Variants in CCDC63 observed in about 807,000 individuals in gnomAD.
CCDC63 encodes coiled-coil domain-containing protein 63.
A neutral mutation model predicts 63.6 loss-of-function variants in CCDC63; 54 were observed. That is an observed-to-expected ratio of 0.85 (90% confidence interval 0.68 to 1.07). The LOEUF (loss-of-function observed/expected upper bound fraction) is 1.07. Among genes scored for constraint, CCDC63 ranks in the 50% least tolerant of loss-of-function variants. The pLI, the probability that CCDC63 is intolerant of heterozygous loss-of-function variation, is 0.00. For synonymous variants in CCDC63, 253 were observed against 266.1 expected (o/e 0.95, Z 0.48); for missense variants, 637 against 689.6 (o/e 0.92, Z 0.86).
intron 9 of CCDC63, among the ~76,000 whole-genome samples, chr12:110,893,644 C>T (rs1264276530): frequency 6.6e-6 from 1 of 152,186 alleles, no homozygotes; most frequent in Non-Finnish European, 1.5e-5. Context: ...CGTCGTTTTA[C>T]AGATGCAGAG....
intron 10 of CCDC63, among the ~76,000 whole-genome samples, chr12:110,902,602 C>T (rs779230322): frequency 3.9e-5 from 6 of 152,132 alleles, no homozygotes; most frequent in Non-Finnish European, 8.8e-5. Context: ...TCCCTCTCAC[C>T]GCAGTCCTAG....
At chr12:110,858,097 C>G in intron 3 of CCDC63, among the ~76,000 whole-genome samples, 1 of 142,886 alleles carries the variant, frequency 7.0e-6, no homozygotes, top group Admixed American at 6.9e-5. Flanking sequence ...CAGAGTGAGA[C>G]TCTGTCTCAA....
At chr12:110,876,628 A>G (rs2071133873) in intron 5 of CCDC63, among the ~76,000 whole-genome samples, 1 of 152,156 alleles carries the variant, frequency 6.6e-6, no homozygotes, top group Non-Finnish European at 1.5e-5. Context: ...GAAAACCTCC[A>G]GTGAAATTAA....
chr12:110,867,522 G>A (rs1399194702), intron 4 of CCDC63, among the ~76,000 whole-genome samples: 1 of 106,570 alleles, frequency 9.4e-6, no homozygotes, highest in African/African-American at 3.8e-5. Context: ...TGGCCGGGCG[G>A]GGGGCTGACC....
intron 8 of CCDC63, among the ~76,000 whole-genome samples, chr12:110,890,773 C>CTTTTTTTTTTTTTT (rs769120162): frequency 1.0e-5 from 1 of 98,400 alleles, no homozygotes; most frequent in Non-Finnish European, 2.0e-5. Flanking sequence ...TCCTCCTTTT[C>CTTTTTTTTTTTTTT]TTTTTTTTTT....
chr12:110,853,708 C>T, intron 3 of CCDC63, 134 bp downstream of exon 3: 1 of 883,182 alleles, frequency 1.1e-6, no homozygotes, highest in Non-Finnish European at 1.8e-6. Context: ...GATCCACGGT[C>T]TTTTATCTGC....
chr12:110,873,084 A>C (rs577136330), intron 4 of CCDC63, among the ~76,000 whole-genome samples: 75 of 152,218 alleles, frequency 4.9e-4, no homozygotes, highest in Non-Finnish European at 8.1e-4. Context: ...AAATACAAAA[A>C]AATTAGACAG....
intron 8 of CCDC63, among the ~76,000 whole-genome samples, chr12:110,887,941 T>C (rs1387076265): frequency 2.6e-5 from 4 of 152,074 alleles, no homozygotes; most frequent in Non-Finnish European, 5.9e-5. Flanking sequence ...CCTCCCCAAG[T>C]TGTTAAATTC....
At chr12:110,867,552 C>T (rs1247420128) in intron 4 of CCDC63, among the ~76,000 whole-genome samples, 13 of 110,716 alleles carry the variant, frequency 1.2e-4, no homozygotes, top group South Asian at 5.8e-4. Context: ...CCCTCCCGGA[C>T]GGGGCGGCTG....
intron 3 of CCDC63, among the ~76,000 whole-genome samples, chr12:110,856,523 C>T (rs947930564): frequency 9.9e-5 from 15 of 152,262 alleles, no homozygotes; most frequent in Admixed American, 5.9e-4. Flanking sequence ...GTTGAGAAGA[C>T]AGGAGGTCAC....
intron 5 of CCDC63, among the ~76,000 whole-genome samples, chr12:110,878,130 A>C (rs2071155180): frequency 6.6e-6 from 1 of 152,112 alleles, no homozygotes; most frequent in African/African-American, 2.4e-5. Flanking sequence ...CAAATGGCAG[A>C]GTCTCCTTTT....
intron 4 of CCDC63, among the ~76,000 whole-genome samples, chr12:110,865,896 T>C (rs1434589949): frequency 6.6e-6 from 1 of 152,242 alleles, no homozygotes; most frequent in Non-Finnish European, 1.5e-5. Context: ...AGTCATCTTT[T>C]AACAATAAGG....
Position 110,868,737 on chromosome 12 carries a change from GAGGGA to G in CCDC63, c.370-5104_370-5100del, listed in dbSNP as rs1420169061. 1.8e-3 allele frequency among the ~76,000 whole-genome samples: 205 copies of G among 114,492 alleles called. 4 individuals carry two copies. Among genetic ancestry groups the G allele is most frequent in the East Asian group, 6.1e-3 (19 of 3,124 alleles). The allele number at this position is 114,492 out of a possible 152,430, so 75.1% of individuals were successfully genotyped here. A position where few individuals can be genotyped will look rare whatever the true frequency, so the allele number is the denominator to read the frequency against. Reference sequence around the variant, plus strand: ...GGAGAGGGAGAGGGAGAGGGAGGGAGAGGGAGAGGGGGAGGGGAAGGGGGAGGGGG... The same window carrying G: ...GGAGAGGGAGAGGGAGAGGGAGGGAGGAGGGGGAGGGGAAGGGGGAGGGGG... On this transcript the variant is annotated intron_variant, in intron 4 of 11. Coordinates refer to ENST00000308208, the MANE Select transcript of CCDC63 (RefSeq NM_152591.3).
At chr12:110,878,562 G>A (rs375734097) in intron 5 of CCDC63, among the ~76,000 whole-genome samples, 48 of 152,242 alleles carry the variant, frequency 3.2e-4, no homozygotes, top group Middle Eastern at 3.4e-3. Context: ...TGATCCACCC[G>A]CCTTGGCCTC....
chr12:110,852,739 C>G, intron 1 of CCDC63, 120 bp from the exon 2 acceptor site: 1 of 674,650 alleles, frequency 1.5e-6, no homozygotes, highest in East Asian at 2.5e-5. Context: ...GGGTATCCTC[C>G]TCATGTGCCA....
At chr12:110,880,162 C>T (rs946465885) in intron 6 of CCDC63, 75 bp downstream of exon 6, 20 of 1,274,442 alleles carry the variant, frequency 1.6e-5, no homozygotes, top group Non-Finnish European at 2.0e-5. Context: ...TACTCTGGGC[C>T]ACCACTGTCC....
intron 1 of CCDC63, among the ~76,000 whole-genome samples, chr12:110,847,665 A>G (rs917011603): frequency 2.0e-4 from 31 of 152,178 alleles, no homozygotes; most frequent in African/African-American, 6.5e-4. Context: ...AAACAACAAC[A>G]ACAACAAAAA....
At chr12:110,849,037 T>C (rs916579288) in intron 1 of CCDC63, among the ~76,000 whole-genome samples, 1 of 152,210 alleles carries the variant, frequency 6.6e-6, no homozygotes, top group Non-Finnish European at 1.5e-5. Context: ...CATTGTCTTA[T>C]ACCACTTCCC....
At chr12:110,856,467 C>G (rs918488198) in intron 3 of CCDC63, among the ~76,000 whole-genome samples, 3 of 152,154 alleles carry the variant, frequency 2.0e-5, no homozygotes, top group African/African-American at 7.2e-5. Context: ...CCCCGCCCGC[C>G]TCCTTCCAGG....
Sources: allele counts gnomAD v4.1 joint callset (sites outside exome capture counted in the v4.1 genomes callset), GRCh38; gene constraint gnomAD v4.1.1; transcripts MANE v1.5; gene names NCBI Gene and HGNC (gene_info 2026-07-23, HGNC 2026-07-21).